CAMK4: variants seen among roughly 807,000 people sequenced by gnomAD.
CAMK4 encodes the protein calcium/calmodulin-dependent protein kinase type IV.
CAMK4 carries 22 observed loss-of-function variants against 44.9 expected under a neutral mutation model. That is an observed-to-expected ratio of 0.49 (90% CI 0.35 to 0.70). The LOEUF is 0.70. CAMK4 is among the 30% of genes least tolerant of loss of function. CAMK4 has a pLI of 0.01. For synonymous variants in CAMK4, 218 were observed against 215.4 expected, an observed-to-expected ratio of 1.01 and a Z score of -0.11; for missense variants, 498 against 586.8, an observed-to-expected ratio of 0.85 and a Z score of 1.56.
chr5:111,302,256 T>G (rs940587962), intron 1 of CAMK4: 1 of 154,712 alleles, frequency 6.5e-6, no homozygotes, highest in Admixed American at 6.5e-5. Flanking sequence ...GATGGCCGAA[T>G]AGGAACAGCT....
At chr5:111,398,190 T>C (rs570190569) in intron 5 of CAMK4, among the ~76,000 whole-genome samples, 5 of 152,344 alleles carry the variant, frequency 3.3e-5, no homozygotes, top group Middle Eastern at 3.4e-3. Context: ...CATTAGCATA[T>C]TAAAGTAAAA....
At chr5:111,267,681 G>T (rs556119647) in intron 1 of CAMK4, among the ~76,000 whole-genome samples, 1 of 141,768 alleles carries the variant, frequency 7.1e-6, no homozygotes, top group African/African-American at 2.6e-5. Context: ...TCCCGCCTGG[G>T]CGACAGAACG....
chr5:111,426,130 G>A (rs1035584813), intron 5 of CAMK4, among the ~76,000 whole-genome samples: 11 of 151,784 alleles, frequency 7.2e-5, no homozygotes, highest in Admixed American at 2.0e-4. Flanking sequence ...ATTTTCTCTG[G>A]TTTTGTATTT....
At chr5:111,392,061 C>T (rs1289390252) in intron 4 of CAMK4, among the ~76,000 whole-genome samples, 2 of 151,628 alleles carry the variant, frequency 1.3e-5, no homozygotes, top group South Asian at 2.1e-4. Context: ...TCTTATTCTT[C>T]GTAATTTTTG....
intron 1 of CAMK4, among the ~76,000 whole-genome samples, chr5:111,332,143 G>A (rs535903331): frequency 7.9e-4 from 120 of 151,038 alleles, no homozygotes; most frequent in Non-Finnish European, 1.4e-3. Context: ...AGTTAGTTAC[G>A]TATGTATACA....
intron 5 of CAMK4, among the ~76,000 whole-genome samples, chr5:111,407,477 G>A (rs152882): frequency 0.93 from 141,133 of 152,224 alleles, 65,573 homozygotes; most frequent in East Asian, 1. Context: ...ATAAAGAGAA[G>A]GAAAAAAGTG....
At chr5:111,231,796 C>A (rs2112497251) in intron 1 of CAMK4, among the ~76,000 whole-genome samples, 1 of 152,150 alleles carries the variant, frequency 6.6e-6, no homozygotes, top group Middle Eastern at 3.4e-3. Context: ...TTGTATATGC[C>A]ATAAATAGAA....
At chr5:111,227,773 A>G (rs191434421) in intron 1 of CAMK4, among the ~76,000 whole-genome samples, 57 of 152,332 alleles carry the variant, frequency 3.7e-4, no homozygotes, top group Middle Eastern at 3.4e-3. Flanking sequence ...GTATCAGGCA[A>G]AGTAATTTTC....
chr5:111,425,549 G>T (rs770142120), intron 5 of CAMK4, among the ~76,000 whole-genome samples: 12 of 152,174 alleles, frequency 7.9e-5, no homozygotes, highest in Non-Finnish European at 1.5e-4. Context: ...AGTTTGGCAG[G>T]ATTCATAACT....
At chr5:111,274,560 G>A (rs1750677235) in intron 1 of CAMK4, among the ~76,000 whole-genome samples, 1 of 152,074 alleles carries the variant, frequency 6.6e-6, no homozygotes. Context: ...CTTCTTATAT[G>A]TCTACATGCA....
At chr5:111,241,153 CT>C (rs1327480568) in intron 1 of CAMK4, among the ~76,000 whole-genome samples, 2 of 149,610 alleles carry the variant, frequency 1.3e-5, no homozygotes, top group African/African-American at 4.9e-5. Flanking sequence ...ATTAACTAAA[CT>C]GCAGATTTTA....
intron 4 of CAMK4, among the ~76,000 whole-genome samples, chr5:111,392,748 T>G (rs556024298): frequency 2.0e-5 from 3 of 152,032 alleles, no homozygotes; most frequent in Non-Finnish European, 4.4e-5. Flanking sequence ...AAGAATAACA[T>G]GTAAAATTAG....
intron 2 of CAMK4, among the ~76,000 whole-genome samples, chr5:111,373,859 G>T (rs772502229): frequency 6.6e-6 from 1 of 152,152 alleles, no homozygotes; most frequent in Admixed American, 6.6e-5. Flanking sequence ...GATAAATTTT[G>T]TTGGAGAGGA....
rs73786834 is a variant in CAMK4 at position 111,233,908 on chromosome 5, G to A, written c.161+9264G>A. Among the ~76,000 whole-genome samples, 1,188 of 152,270 alleles carry A rather than the reference G, an allele frequency of 7.8e-3. 16 individuals carry two copies. The highest frequency in any genetic ancestry group is 0.027 in the African/African-American group (1,133 of 41,542). On this transcript the variant is annotated intron_variant, in intron 1 of 10. Coordinates refer to ENST00000282356, the MANE Select transcript of CAMK4 (RefSeq NM_001744.6). ...CAGAGGTCTATAAGGTGGGATGCCC[G>A]TAGCCAGGGTATGTGTAATACAATG...
chr5:111,387,381 T>C (rs937401493), intron 4 of CAMK4, among the ~76,000 whole-genome samples: 3 of 152,174 alleles, frequency 2.0e-5, no homozygotes, highest in Non-Finnish European at 4.4e-5. Flanking sequence ...ATGAAACAAA[T>C]ACCCCATTTT....
Position 111,323,634 on chromosome 5 carries a change from T to G in CAMK4, c.162-20390T>G, listed in dbSNP as rs935036510. Reference sequence around the variant, plus strand: ...TCCAGAGAAAAAATAAAATAAAACCTGTCTTCCCAGAATTGTATATCTTGT... The same window carrying G: ...TCCAGAGAAAAAATAAAATAAAACCGGTCTTCCCAGAATTGTATATCTTGT... On this transcript the variant is annotated intron_variant, in intron 1 of 10. Coordinates refer to ENST00000282356, the MANE Select transcript of CAMK4 (RefSeq NM_001744.6). Among the ~76,000 whole-genome samples, 16 of 152,120 alleles carry G rather than the reference T, an allele frequency of 1.1e-4. 1 individual carries two copies. In the East Asian group the frequency reaches 1.4e-3, roughly 13 times the overall value.
intron 5 of CAMK4, among the ~76,000 whole-genome samples, chr5:111,413,470 G>C (rs1024368862): frequency 6.6e-6 from 1 of 151,926 alleles, no homozygotes; most frequent in East Asian, 1.9e-4. Flanking sequence ...CCAGCTACTA[G>C]AGAGGCTGAG....
chr5:111,414,136 G>A (rs1008053858), intron 5 of CAMK4, among the ~76,000 whole-genome samples: 5 of 152,156 alleles, frequency 3.3e-5, no homozygotes, highest in South Asian at 2.1e-4. Context: ...TTTGGACTAA[G>A]TATTCAGGAC....
intron 2 of CAMK4, among the ~76,000 whole-genome samples, chr5:111,360,314 G>T (rs1029028553): frequency 6.6e-6 from 1 of 152,044 alleles, no homozygotes; most frequent in Non-Finnish European, 1.5e-5. Context: ...ACCCAGGGAA[G>T]CGTGGTGAGC....
Sources: allele counts gnomAD v4.1 joint callset (sites outside exome capture counted in the v4.1 genomes callset), GRCh38; gene constraint gnomAD v4.1.1; transcripts MANE v1.5; gene names NCBI Gene and HGNC (gene_info 2026-07-23, HGNC 2026-07-21).